The following BRINP1 variants were observed in gnomAD, a reference collection of about 807,000 sequenced individuals.
BRINP1 encodes the protein BMP/retinoic acid inducible neural specific 1, also known as BMP/retinoic acid-inducible neural-specific protein 1.
In BRINP1, 17 loss-of-function variants were observed where a neutral mutation model predicts 72.9. That is an observed-to-expected ratio of 0.23 (90% confidence interval 0.16 to 0.35). The LOEUF is 0.35. Among genes scored for constraint, BRINP1 ranks in the 10% least tolerant of loss-of-function variants. BRINP1 has a pLI of 1.00. For missense variants in BRINP1, 850 were observed against 1,001.6 expected (o/e 0.85, Z 2.04); for synonymous variants, 418 against 378.5 (o/e 1.10, Z -1.21).
At chr9:119,247,745 T>TA (rs1400063932) in intron 3 of BRINP1, among the ~76,000 whole-genome samples, 1 of 150,318 alleles carries the variant, frequency 6.7e-6, no homozygotes, top group East Asian at 2.0e-4. Flanking sequence ...AACACTCACT[T>TA]AAAAACTTAG....
chr9:119,249,825 A>G, intron 2 of BRINP1, among the ~76,000 whole-genome samples: 1 of 51,168 alleles, frequency 2.0e-5, no homozygotes. Flanking sequence ...GAAGGAAGGA[A>G]GGAAGGAAGG....
chr9:119,362,649 C>T (rs1831646864), intron 1 of BRINP1, among the ~76,000 whole-genome samples: 1 of 152,154 alleles, frequency 6.6e-6, no homozygotes, highest in Non-Finnish European at 1.5e-5. Context: ...CACAACACTT[C>T]ATTTAAATTA....
intron 5 of BRINP1, among the ~76,000 whole-genome samples, chr9:119,229,671 A>G (rs1163720388): frequency 6.6e-6 from 1 of 152,104 alleles, no homozygotes; most frequent in Non-Finnish European, 1.5e-5. Flanking sequence ...GCAATAGCAA[A>G]AACACATGCC....
intron 7 of BRINP1, among the ~76,000 whole-genome samples, chr9:119,206,564 T>C (rs922451793): frequency 6.6e-6 from 1 of 152,156 alleles, no homozygotes; most frequent in South Asian, 2.1e-4. Flanking sequence ...CCAAGCCTGC[T>C]GACACCTTGA....
intron 7 of BRINP1, among the ~76,000 whole-genome samples, chr9:119,197,292 C>T (rs72759769): frequency 0.021 from 3,262 of 152,186 alleles, 51 homozygotes; most frequent in Middle Eastern, 0.037. Context: ...TCCAGTCTCC[C>T]CAGCAGGAAT....
At chr9:119,339,368 T>TC (rs1554756056) in intron 1 of BRINP1, among the ~76,000 whole-genome samples, 1 of 152,112 alleles carries the variant, frequency 6.6e-6, no homozygotes, top group Non-Finnish European at 1.5e-5. Flanking sequence ...CTACAGAACT[T>TC]ACAACTACTT....
chr9:119,212,182 C>G (rs973128895), intron 6 of BRINP1, among the ~76,000 whole-genome samples: 1 of 152,142 alleles, frequency 6.6e-6, no homozygotes, highest in Non-Finnish European at 1.5e-5. Context: ...ATCCACAGTT[C>G]CATTTGAGCT....
chr9:119,168,464 G>A (rs564248223), intron 7 of BRINP1, among the ~76,000 whole-genome samples: 7 of 151,532 alleles, frequency 4.6e-5, no homozygotes, highest in South Asian at 4.1e-4. Context: ...GTCCTCATCT[G>A]CAAAGTGAAG....
chr9:119,319,794 C>T (rs535000207), intron 1 of BRINP1, among the ~76,000 whole-genome samples: 13 of 152,276 alleles, frequency 8.5e-5, no homozygotes, highest in Admixed American at 6.5e-4. Context: ...TCCCAAGTGT[C>T]AGACTTGGGA....
At chr9:119,315,215 T>C (rs908727487) in intron 1 of BRINP1, among the ~76,000 whole-genome samples, 1 of 152,152 alleles carries the variant, frequency 6.6e-6, no homozygotes, top group African/African-American at 2.4e-5. Flanking sequence ...TTTTAACAAA[T>C]CGAAGGCTTG....
chr9:119,174,886 A>C (rs956636356), intron 7 of BRINP1, among the ~76,000 whole-genome samples: 5 of 150,214 alleles, frequency 3.3e-5, no homozygotes, highest in African/African-American at 4.9e-5. Context: ...CAAACACCGC[A>C]TATTCTCACT....
chr9:119,321,097 AT>A (rs1395849213), intron 1 of BRINP1, among the ~76,000 whole-genome samples: 2 of 152,050 alleles, frequency 1.3e-5, no homozygotes, highest in Non-Finnish European at 2.9e-5. Flanking sequence ...TGCCCGGCTA[AT>A]TTTTTGGTAC....
chr9:119,207,931 C>T (rs932738794), intron 7 of BRINP1, among the ~76,000 whole-genome samples: 2 of 152,094 alleles, frequency 1.3e-5, no homozygotes, highest in African/African-American at 4.8e-5. Context: ...TTTTAGAAAC[C>T]CTGGAGGCAC....
At chr9:119,275,929 C>T (rs779378757) in intron 2 of BRINP1, among the ~76,000 whole-genome samples, 3 of 152,156 alleles carry the variant, frequency 2.0e-5, no homozygotes, top group Non-Finnish European at 4.4e-5. Flanking sequence ...CCCATCTGAT[C>T]ACCCACTCAC....
At chr9:119,311,809 G>A (rs1831072002) in intron 2 of BRINP1, among the ~76,000 whole-genome samples, 1 of 152,168 alleles carries the variant, frequency 6.6e-6, no homozygotes. Flanking sequence ...GTTTCTTAGA[G>A]CTTGCAACAC....
chr9:119,202,754 A>G (rs902251072), intron 7 of BRINP1, among the ~76,000 whole-genome samples: 2 of 152,144 alleles, frequency 1.3e-5, no homozygotes, highest in African/African-American at 4.8e-5. Context: ...TGACTACCCA[A>G]TAAATATCTG....
chr9:119,248,874 G>T lies in BRINP1; in HGVS notation c.409+86C>A, dbSNP rs149230174. 1.5e-4 allele frequency: 176 copies of T among 1,175,464 alleles called. No individual in the cohort carries two copies. The East Asian group carries it at 3.2e-3, about 21-fold the overall frequency. The allele number at this position is 1,175,464 out of a possible 1,614,324, so 72.8% of individuals were successfully genotyped here. On this transcript the variant is annotated intron_variant, in intron 3 of 7. Transcript: ENST00000265922. Reference sequence around the variant, plus strand: ...GTAGAATGGCAGAGAAGCTAAGAAGGCTTTGCTGTTAAGACATCCCACTCT... The same window carrying T: ...GTAGAATGGCAGAGAAGCTAAGAAGTCTTTGCTGTTAAGACATCCCACTCT...
At chr9:119,289,600 G>A (rs1830802071) in intron 2 of BRINP1, among the ~76,000 whole-genome samples, 1 of 152,180 alleles carries the variant, frequency 6.6e-6, no homozygotes, top group African/African-American at 2.4e-5. Flanking sequence ...GAAAACACAT[G>A]TCTAAGATTC....
chr9:119,262,836 A>C (rs767345916), intron 2 of BRINP1, among the ~76,000 whole-genome samples: 1 of 152,080 alleles, frequency 6.6e-6, no homozygotes, highest in African/African-American at 2.4e-5. Context: ...AGTGGCCTTC[A>C]TGCTTTTACT....
Sources: gnomAD v4.1 joint callset for allele counts (sites outside exome capture counted in the v4.1 genomes callset) on GRCh38, gnomAD v4.1.1 for gene constraint, MANE v1.5 for transcripts, NCBI Gene and HGNC (gene_info 2026-07-23, HGNC 2026-07-21) for gene names.